ZSCAN31: variants seen among roughly 807,000 people sequenced by gnomAD.
ZSCAN31 encodes the protein zinc finger and SCAN domain-containing protein 31.
Under a neutral mutation model 22.5 loss-of-function variants are expected in ZSCAN31, and 14 were observed. The ratio of observed to expected loss-of-function variants is 0.62; its 90% CI spans 0.41 to 0.97. The LOEUF (loss-of-function observed/expected upper bound fraction) is 0.97, where lower values mean the gene tolerates loss of function less well. ZSCAN31 is among the 50% of genes least tolerant of loss of function. The pLI is 0.00. For synonymous variants in ZSCAN31, 168 were observed against 169.8 expected, an observed-to-expected ratio of 0.99 and a Z score of 0.08; for missense variants, 424 against 483.4, an observed-to-expected ratio of 0.88 and a Z score of 1.15.
At chr6:28,342,478 G>A (rs1764452352) in intron 2 of ZSCAN31, among the ~76,000 whole-genome samples, 1 of 152,156 alleles carries the variant, frequency 6.6e-6, no homozygotes, top group Non-Finnish European at 1.5e-5. Context: ...TAAGTACTGG[G>A]TCTGCAAAGG....
At chr6:28,340,541 G>T (rs955400963), upstream of ZSCAN31, among the ~76,000 whole-genome samples, 3 of 152,176 alleles carry the variant, frequency 2.0e-5, no homozygotes, top group Non-Finnish European at 2.9e-5. Flanking sequence ...TGCCATGATT[G>T]TAAGTTTCCT....
Position 28,326,492 on chromosome 6 carries a change from C to T in ZSCAN31, c.895G>A (p.Glu299Lys), listed in dbSNP as rs971227763. ...CTGGCACTGAAGGCTTTCCCACACT[C>T]CTTACATTGATAGGGTTTCTCTCCA... ...HTGEKPYQCK[E>K]CGKAFSASNG... Residue 299 changes from glutamate to lysine, a missense_variant, in exon 4 of 4, where the codon GAG (glutamate) becomes AAG (lysine). Physicochemically the swap from Glu to Lys is moderately conservative, Grantham distance 56 (BLOSUM62 1). Coordinates refer to ENST00000344279, the MANE Select transcript of ZSCAN31 (RefSeq NM_030899.5). The T allele has an allele frequency of 1.2e-6, 2 of 1,614,210 alleles. No individual in the cohort carries two copies. Among genetic ancestry groups the T allele is most frequent in the Non-Finnish European group, 1.7e-6 (2 of 1,180,042 alleles).
In ZSCAN31 at chr6:28,349,177, G is replaced by A. The variant is rs1421125218; in HGVS notation, c.-371+4685C>T. The stretch of plus-strand genomic sequence containing the variant: ...ATATATATGTCTCATATATATAGGT[G>A]TATATATATGTCTCATATATATAGG... On this transcript the variant is annotated intron_variant, in intron 2 of 7. Transcript: ENST00000396838. The surrounding 1 kb of genome is among the most constrained non-coding windows in gnomAD (Gnocchi z 4.1). Among the ~76,000 whole-genome samples, 1 of 54,902 alleles carries A rather than the reference G, an allele frequency of 1.8e-5. No homozygotes were observed. The highest frequency in any genetic ancestry group is 2.9e-5 in the Non-Finnish European group (1 of 34,056). The allele number at this position is 54,902 out of a possible 152,430, so 36.0% of individuals were successfully genotyped here.
chr6:28,354,983 C>T (rs951015030), upstream of ZSCAN31, among the ~76,000 whole-genome samples: 1 of 152,230 alleles, frequency 6.6e-6, no homozygotes, highest in Admixed American at 6.5e-5. Flanking sequence ...ACTTTGTCCA[C>T]ACCTGGTATC....
intron 2 of ZSCAN31, among the ~76,000 whole-genome samples, chr6:28,328,947 C>T (rs1317019397): frequency 2.0e-5 from 3 of 152,152 alleles, no homozygotes; most frequent in Non-Finnish European, 4.4e-5. Flanking sequence ...TGGCTTTTTC[C>T]TTTCTCTCTC....
At position 28,326,791 on chromosome 6, in the gene ZSCAN31, T is replaced by G; in HGVS notation, c.596A>C (p.Glu199Ala). 1 of 1,613,550 alleles carries G rather than the reference T, an allele frequency of 6.2e-7. No homozygotes were observed. The highest frequency in any genetic ancestry group is 8.5e-7 in the Non-Finnish European group (1 of 1,179,998). The change falls in exon 4 of 4, where the codon GAA becomes GCA. Residue 199 changes from glutamate to alanine, a missense_variant. Coordinates refer to ENST00000344279, the MANE Select transcript of ZSCAN31 (RefSeq NM_030899.5). ...ASKQEILKEMEHLGDSKLQRD... is the reference protein window; with the variant it reads ...ASKQEILKEMAHLGDSKLQRD... Reference sequence around the variant, plus strand: ...TTGGAGTTTGCTATCCCCCAAATGTTCCATTTCTTTTAAGATTTCTTGCTT... The same window carrying G: ...TTGGAGTTTGCTATCCCCCAAATGTGCCATTTCTTTTAAGATTTCTTGCTT...
chr6:28,333,180 T>TTCCAG lies in ZSCAN31; in HGVS notation c.-96+2901_-96+2902insCTGGA, dbSNP rs1203216760. On this transcript the variant is annotated intron_variant, in intron 1 of 3. Transcript: ENST00000344279. The surrounding 1 kb of genome is among the most constrained non-coding windows in gnomAD (Gnocchi z 4.1). Reference sequence around the variant, plus strand: ...GACCTGCAGTGGACTTCCACACTCATGAAAGGGAGACAGAAAAATAAAAGG... The same window carrying TTCCAG: ...GACCTGCAGTGGACTTCCACACTCATTCCAGGAAAGGGAGACAGAAAAATAAAAGG... Among the ~76,000 whole-genome samples, 1,216 of 152,206 alleles carry TTCCAG rather than the reference T, an allele frequency of 8.0e-3. 20 individuals carry two copies. The highest frequency in any genetic ancestry group is 0.026 in the African/African-American group (1,095 of 41,506).
rs189761061 is a variant in ZSCAN31, at chr6:28,326,583, T to C, written c.804A>G (p.Glu268=). Residue 268 remains glutamate (E), a synonymous_variant, in exon 4 of 4, where the codon GAA becomes GAG. Coordinates refer to ENST00000344279, the MANE Select transcript of ZSCAN31 (RefSeq NM_030899.5). The stretch of plus-strand genomic sequence containing the variant: ...TGAAGGCCTTCCCACATTCTTCACA[T>C]TCATATGGCTTCTCCCCAGTGTGGA... ...QRIHTGEKPY[E]CEECGKAFSR... 7 of 1,613,974 alleles carry C rather than the reference T, an allele frequency of 4.3e-6. No individual in the cohort carries two copies. Among genetic ancestry groups the C allele is most frequent in the Non-Finnish European group, 5.9e-6 (7 of 1,179,984 alleles).
Position 28,326,835 on chromosome 6 carries a change from C to T in ZSCAN31, c.552G>A (p.Glu184=). ...CTTGCTTTGATGCCAACTCCTGGTT[C>T]TCAGGTATACTTTCACCATCTGGAA... ...FQEQDGESIP[E]NQELASKQEI... The change falls in exon 4 of 4, where the codon GAG becomes GAA. Residue 184 remains glutamate (E), a synonymous_variant. Coordinates refer to ENST00000344279, the MANE Select transcript of ZSCAN31 (RefSeq NM_030899.5). The T allele has an allele frequency of 1.2e-6, 2 of 1,610,922 alleles. No homozygotes were observed. The highest frequency in any genetic ancestry group is 8.5e-7 in the Non-Finnish European group (1 of 1,179,454).
chr6:28,326,778 A>G lies in ZSCAN31; in HGVS notation c.609T>C (p.Asp203=). The change falls in exon 4 of 4, where the codon GAT becomes GAC. Residue 203 remains aspartate, a synonymous_variant. Coordinates refer to ENST00000344279, the MANE Select transcript of ZSCAN31 (RefSeq NM_030899.5). ...EILKEMEHLG[D]SKLQRDVSLD... Reference sequence around the variant, plus strand: ...AAGATACATCTCTTTGGAGTTTGCTATCCCCCAAATGTTCCATTTCTTTTA... The same window carrying G: ...AAGATACATCTCTTTGGAGTTTGCTGTCCCCCAAATGTTCCATTTCTTTTA... The G allele has an allele frequency of 1.2e-6, 2 of 1,613,780 alleles. No individual in the cohort carries two copies. Among genetic ancestry groups the G allele is most frequent in the Non-Finnish European group, 1.7e-6 (2 of 1,180,020 alleles).
intron 2 of ZSCAN31, among the ~76,000 whole-genome samples, chr6:28,346,132 G>A (rs1764632179): frequency 6.6e-6 from 1 of 152,034 alleles, no homozygotes; most frequent in Non-Finnish European, 1.5e-5. Flanking sequence ...CCTGTAAATG[G>A]AAAGGTAGGG....
At chr6:28,327,325 C>CTA in intron 3 of ZSCAN31, 58 bp downstream of exon 3, 1 of 1,592,636 alleles carries the variant, frequency 6.3e-7, no homozygotes, top group Non-Finnish European at 8.6e-7. Flanking sequence ...ACAGTCTTAA[C>CTA]TATCGCCCTA....
At chr6:28,342,573 A>G (rs1273268345) in intron 2 of ZSCAN31, among the ~76,000 whole-genome samples, 1 of 152,188 alleles carries the variant, frequency 6.6e-6, no homozygotes, top group Non-Finnish European at 1.5e-5. Context: ...ATAGAATTGG[A>G]TCCTAAGAGA....
intron 1 of ZSCAN31, among the ~76,000 whole-genome samples, chr6:28,330,853 G>A (rs1763683798): frequency 6.6e-6 from 1 of 152,214 alleles, no homozygotes; most frequent in South Asian, 2.1e-4. Context: ...TTGAAAGAAT[G>A]TGACTTAGGG....
rs1325392853 is a variant in ZSCAN31 at position 28,349,523 on chromosome 6, A to G, written c.-371+4339T>C. ...TGTTCCTTAAAATTTATGTATTTAG[A>G]ATTCATATTCTAATTAGGCAATGCA... On this transcript the variant is annotated intron_variant, in intron 2 of 7. Transcript: ENST00000396838. The surrounding 1 kb of genome is among the most constrained non-coding windows in gnomAD (Gnocchi z 4.1). 6.6e-6 allele frequency among the ~76,000 whole-genome samples: 1 copy of G among 152,136 alleles called. No homozygotes were observed. The highest frequency in any genetic ancestry group is 2.4e-5 in the African/African-American group (1 of 41,396).
upstream of ZSCAN31, among the ~76,000 whole-genome samples, chr6:28,340,931 A>C (rs1010317593): frequency 6.6e-6 from 1 of 152,180 alleles, no homozygotes; most frequent in African/African-American, 2.4e-5. Context: ...GTTGGCTTGC[A>C]GTGCAGGTGC....
intron 2 of ZSCAN31, among the ~76,000 whole-genome samples, chr6:28,343,080 A>C (rs1319370407): frequency 6.6e-6 from 1 of 152,192 alleles, no homozygotes; most frequent in Non-Finnish European, 1.5e-5. Flanking sequence ...GCCAGATAAG[A>C]AATAAAGTTC....
chr6:28,350,092 G>C (rs1399515791), intron 2 of ZSCAN31: 1 of 152,244 alleles, frequency 6.6e-6, no homozygotes, highest in East Asian at 1.9e-4. Context: ...GTATGTGTGT[G>C]TGTGTGTGTG....
chr6:28,353,841 C>T, intron 2 of ZSCAN31: 1 of 457,130 alleles, frequency 2.2e-6, no homozygotes, highest in South Asian at 1.5e-5. Flanking sequence ...TACTATTAGC[C>T]AACATGTATA....
Sources: allele counts gnomAD v4.1 joint callset (sites outside exome capture counted in the v4.1 genomes callset), GRCh38; gene constraint gnomAD v4.1.1; non-coding constraint Gnocchi (gnomAD v3.1); transcripts MANE v1.5; gene names NCBI Gene and HGNC (gene_info 2026-07-23, HGNC 2026-07-21).